Variants in TM2D1 observed in about 807,000 individuals in gnomAD.
TM2D1 encodes TM2 domain-containing protein 1.
Under a neutral mutation model 28.4 loss-of-function variants are expected in TM2D1, and 15 were observed. That is an observed-to-expected ratio of 0.53 (90% CI 0.35 to 0.81). The LOEUF (loss-of-function observed/expected upper bound fraction) is 0.81, where lower values mean the gene tolerates loss of function less well. TM2D1 is among the 40% of genes least tolerant of loss of function. The probability of loss-of-function intolerance (pLI) is 0.01; values close to 1 mark genes in which losing one functional copy is unlikely to be tolerated. For missense variants in TM2D1, 236 were observed against 254.9 expected (o/e 0.93, Z 0.50); for synonymous variants, 93 against 96.2 (o/e 0.97, Z 0.20).
rs188321220 is a variant in TM2D1, at chr1:61,693,154, T to C, written c.513+1543A>G. On this transcript the variant is annotated intron_variant, in intron 5 of 6. Transcript: ENST00000606498. ...TGGGAGGCTGAGGTGGGAGGATCGC[T>C]TAAGCCCAGGAGGCAGAGGTTGACA... is the stretch of plus-strand genomic sequence containing the variant. Among the ~76,000 whole-genome samples, 8 of 152,244 alleles carry C rather than the reference T, an allele frequency of 5.3e-5. No individual in the cohort carries two copies. In the East Asian group the frequency reaches 1.4e-3, roughly 26 times the overall value.
At chr1:61,695,909 A>T (rs751645788) in intron 4 of TM2D1, among the ~76,000 whole-genome samples, 2 of 152,202 alleles carry the variant, frequency 1.3e-5, no homozygotes, top group Non-Finnish European at 2.9e-5. Flanking sequence ...CAGAAGCCCC[A>T]TTAGGGCAGG....
chr1:61,688,585 C>T lies in TM2D1; in HGVS notation c.514-5039G>A, dbSNP rs560982135. On this transcript the variant is annotated intron_variant, in intron 5 of 6. Coordinates refer to ENST00000606498, the MANE Select transcript of TM2D1 (RefSeq NM_032027.3). Reference sequence around the variant, plus strand: ...TAAAAATACAAAAATCAGCTGGGCGCGGTGGCACATGCCTGTAGTCCCAGC... The same window carrying T: ...TAAAAATACAAAAATCAGCTGGGCGTGGTGGCACATGCCTGTAGTCCCAGC... Among the ~76,000 whole-genome samples, 46 of 152,182 alleles carry T rather than the reference C, an allele frequency of 3.0e-4. No homozygotes were observed. The South Asian group carries it at 8.5e-3, about 28-fold the overall frequency.
Position 61,704,256 on chromosome 1 carries a change from C to CAT in TM2D1, c.348-3233_348-3232dup, listed in dbSNP as rs906126294. On this transcript the variant is annotated intron_variant, in intron 3 of 6. Coordinates refer to ENST00000606498, the MANE Select transcript of TM2D1 (RefSeq NM_032027.3). ...CGTATCACCAACTTTTTATATGGCA[C>CAT]ATATATATATACAAAGATGATGAGA... Among the ~76,000 whole-genome samples, 20 of 151,046 alleles carry CAT rather than the reference C, an allele frequency of 1.3e-4. No homozygotes were observed. In the East Asian group the frequency reaches 1.8e-3, roughly 13 times the overall value.
At chr1:61,707,086 C>T (rs1482915800) in intron 3 of TM2D1, among the ~76,000 whole-genome samples, 5 of 152,060 alleles carry the variant, frequency 3.3e-5, no homozygotes, top group African/African-American at 4.8e-5. Flanking sequence ...GAAACCCCAT[C>T]TCTACTAAAA....
chr1:61,681,070 T>G lies in TM2D1; in HGVS notation c.*300A>C, dbSNP rs1459921287. 1 of 153,798 alleles carries G rather than the reference T, an allele frequency of 6.5e-6. No homozygotes were observed. The highest frequency in any genetic ancestry group is 1.5e-5 in the Non-Finnish European group (1 of 68,052). The allele number at this position is 153,798 out of a possible 1,614,324, so 9.5% of individuals were successfully genotyped here. A position where few individuals can be genotyped will look rare whatever the true frequency, so the allele number is the denominator to read the frequency against. On this transcript the variant is annotated 3_prime_UTR_variant, in exon 7 of 7. Coordinates refer to ENST00000606498, the MANE Select transcript of TM2D1 (RefSeq NM_032027.3). ...ATGTGAATAAGTTATACTTTTATTT[T>G]TCAGAAACAAAAATGACAAGTGGCA...
chr1:61,709,628 T>C lies in TM2D1; in HGVS notation c.239-191A>G, dbSNP rs1473679625. 2.0e-5 allele frequency among the ~76,000 whole-genome samples: 3 copies of C among 152,168 alleles called. No homozygotes were observed. In the East Asian group the frequency reaches 5.8e-4, roughly 29 times the overall value. On this transcript the variant is annotated intron_variant, in intron 2 of 6. Coordinates refer to ENST00000606498, the MANE Select transcript of TM2D1 (RefSeq NM_032027.3). ...GCAAGATAAACATAAAATTGTATAG[T>C]AGTCTCTTAACACAAAAATATAAGA...
At chr1:61,700,122 G>T (rs1325089789) in intron 4 of TM2D1, 3 of 1,468,478 alleles carry the variant, frequency 2.0e-6, no homozygotes, top group Non-Finnish European at 2.7e-6. Context: ...TCAAATTGAG[G>T]TCACTAGCTG....
At chr1:61,711,673 T>C (rs916905345) in intron 2 of TM2D1, among the ~76,000 whole-genome samples, 4 of 152,098 alleles carry the variant, frequency 2.6e-5, no homozygotes, top group Non-Finnish European at 5.9e-5. Context: ...AACAGGCAAT[T>C]GGTATGTAGC....
chr1:61,692,873 A>G (rs1334763774), intron 5 of TM2D1, among the ~76,000 whole-genome samples: 2 of 136,188 alleles, frequency 1.5e-5, no homozygotes, highest in Non-Finnish European at 3.2e-5. Flanking sequence ...TTTACTGCAG[A>G]TGTTCACACA....
chr1:61,700,031 A>C, intron 4 of TM2D1: 1 of 1,200,404 alleles, frequency 8.3e-7, no homozygotes. Context: ...AAAAACTTTA[A>C]ATTTGCTCAG....
chr1:61,712,529 G>A (rs1297456828), intron 2 of TM2D1, among the ~76,000 whole-genome samples: 2 of 152,042 alleles, frequency 1.3e-5, no homozygotes, highest in Non-Finnish European at 2.9e-5. Context: ...TCATGTCTCA[G>A]CCTCTCCAGT....
chr1:61,718,772 G>A (rs1183754640), intron 2 of TM2D1, among the ~76,000 whole-genome samples: 1 of 152,140 alleles, frequency 6.6e-6, no homozygotes, highest in Non-Finnish European at 1.5e-5. Flanking sequence ...ATATCAGACA[G>A]TCCCAATGAG....
intron 2 of TM2D1, among the ~76,000 whole-genome samples, chr1:61,712,487 T>A (rs1644485946): frequency 6.6e-6 from 1 of 152,196 alleles, no homozygotes; most frequent in South Asian, 2.1e-4. Flanking sequence ...CTCAGCTCAC[T>A]GCAACCTCCG....
chr1:61,709,188 A>T, intron 3 of TM2D1, 141 bp downstream of exon 3: 1 of 598,532 alleles, frequency 1.7e-6, no homozygotes, highest in Non-Finnish European at 2.9e-6. Context: ...CAAACACTTA[A>T]AATAAAGGTT....
chr1:61,685,477 A>AT (rs1211086888), intron 5 of TM2D1, among the ~76,000 whole-genome samples: 1 of 152,246 alleles, frequency 6.6e-6, no homozygotes, highest in Non-Finnish European at 1.5e-5. Flanking sequence ...TTAAAAATAA[A>AT]TTTGATCTTA....
chr1:61,704,501 G>A (rs529498044), intron 3 of TM2D1, among the ~76,000 whole-genome samples: 27 of 151,740 alleles, frequency 1.8e-4, no homozygotes, highest in Non-Finnish European at 2.5e-4. Flanking sequence ...GCACAATGTC[G>A]GCTTACTGCA....
In TM2D1 at chr1:61,713,884, C is replaced by CTTT. The variant is rs372226143; in HGVS notation, c.239-4450_239-4448dup. On this transcript the variant is annotated intron_variant, in intron 2 of 6. Transcript: ENST00000606498. ...CAAAACTTTTAAAAACCAAATATTT[C>CTTT]TTTTTTTTTTTTTTTTTTTTTTGAG... 2.2e-3 allele frequency among the ~76,000 whole-genome samples: 236 copies of CTTT among 106,228 alleles called. 4 individuals carry two copies. Among genetic ancestry groups the CTTT allele is most frequent in the African/African-American group, 5.6e-3 (166 of 29,796 alleles). 69.7% of individuals were successfully genotyped at this position (106,228 alleles called of 152,430 possible).
At chr1:61,703,676 G>A (rs1232327511) in intron 3 of TM2D1, among the ~76,000 whole-genome samples, 1 of 140,372 alleles carries the variant, frequency 7.1e-6, no homozygotes, top group Non-Finnish European at 1.5e-5. Context: ...GCCTCCCAAA[G>A]TGTTGGGACT....
At chr1:61,700,074 T>C (rs981064486) in intron 4 of TM2D1, 18 of 1,410,928 alleles carry the variant, frequency 1.3e-5, no homozygotes, top group Non-Finnish European at 1.7e-5. Flanking sequence ...AGTACTACAG[T>C]AAATAAAGCA....
Sources: allele counts gnomAD v4.1 joint callset (sites outside exome capture counted in the v4.1 genomes callset), GRCh38; gene constraint gnomAD v4.1.1; transcripts MANE v1.5; gene names NCBI Gene and HGNC (gene_info 2026-07-23, HGNC 2026-07-21).